The following NCAM1 variants were observed in gnomAD, a reference collection of about 807,000 sequenced individuals.
The protein encoded by NCAM1 is antigen recognized by monoclonal antibody 5.1H11.
In NCAM1, 14 loss-of-function variants were observed where a neutral mutation model predicts 109.8. That is an observed-to-expected ratio of 0.13 (90% confidence interval 0.08 to 0.20). The LOEUF is 0.20. Ranked by LOEUF, NCAM1 falls within the 10% of genes least tolerant of loss-of-function variation. NCAM1 has a pLI of 1.00. For synonymous variants in NCAM1, 418 were observed against 442.9 expected (o/e 0.94, Z 0.70); for missense variants, 774 against 1,109.9 (o/e 0.70, Z 4.30).
chr11:113,226,609 C>T (rs147934156), intron 9 of NCAM1, among the ~76,000 whole-genome samples: 1,922 of 152,324 alleles, frequency 0.013, 17 homozygotes, highest in Non-Finnish European at 0.022. Context: ...CTCTCCACCC[C>T]AATTCAACAA....
chr11:112,964,129 GT>G (rs782504184), intron 1 of NCAM1, among the ~76,000 whole-genome samples: 7 of 123,892 alleles, frequency 5.7e-5, no homozygotes, highest in South Asian at 2.6e-4. Flanking sequence ...TATATCTGAG[GT>G]TTTTTTTTTG....
At chr11:113,044,914 T>C (rs1283021143) in intron 1 of NCAM1, among the ~76,000 whole-genome samples, 1 of 151,850 alleles carries the variant, frequency 6.6e-6, no homozygotes, top group Non-Finnish European at 1.5e-5. Context: ...CCACGACGCC[T>C]GGCTAATTTT....
chr11:113,001,619 G>C (rs1278609702), intron 1 of NCAM1, among the ~76,000 whole-genome samples: 1 of 152,154 alleles, frequency 6.6e-6, no homozygotes, highest in East Asian at 1.9e-4. Flanking sequence ...TGTTGTCCCT[G>C]TTTGTTCTCT....
At chr11:113,142,889 A>G (rs1555100737) in intron 1 of NCAM1, among the ~76,000 whole-genome samples, 1 of 152,210 alleles carries the variant, frequency 6.6e-6, no homozygotes, top group African/African-American at 2.4e-5. Context: ...TCGAAAAAAT[A>G]GTACAGTGGA....
chr11:113,159,517 A>G (rs538141067), intron 1 of NCAM1, among the ~76,000 whole-genome samples: 8 of 152,290 alleles, frequency 5.3e-5, no homozygotes, highest in African/African-American at 1.9e-4. Context: ...CTTACTAGAT[A>G]TTGTGAAGAA....
chr11:113,093,187 C>T (rs1189466314), intron 1 of NCAM1, among the ~76,000 whole-genome samples: 9 of 152,152 alleles, frequency 5.9e-5, no homozygotes, highest in African/African-American at 2.2e-4. Context: ...GGATCATCAT[C>T]TTTGGGGGTT....
At chr11:113,110,834 C>G (rs1221189548) in intron 1 of NCAM1, among the ~76,000 whole-genome samples, 2 of 152,158 alleles carry the variant, frequency 1.3e-5, no homozygotes, top group Non-Finnish European at 2.9e-5. Flanking sequence ...GAGTCCTTTC[C>G]TATTGGGATA....
At chr11:113,177,738 G>A (rs781863091) in intron 1 of NCAM1, among the ~76,000 whole-genome samples, 2 of 152,150 alleles carry the variant, frequency 1.3e-5, no homozygotes, top group Admixed American at 6.5e-5. Context: ...CTGGCAGAGA[G>A]CATCATGTCT....
At position 113,271,778 on chromosome 11, in the gene NCAM1, G is replaced by T; in HGVS notation, c.2358G>T (p.Glu786Asp). 6.4e-7 allele frequency: 1 copy of T among 1,560,008 alleles called. No individual in the cohort carries two copies. Among genetic ancestry groups the T allele is most frequent in the South Asian group, 1.2e-5 (1 of 84,316 alleles). ...KAAFSKDESK[E>D]PIVEVRTEEE... ...TCCACAGGAAAGATGAGTCCAAGGA[G>T]CCCATCGTGGAGGTTCGAACGGAGG... The change falls in exon 19 of 20, where the codon GAG (glutamate) becomes GAT (aspartate). Residue 786 changes from glutamate (E) to aspartate (D), a missense_variant. Physicochemically the swap from Glu to Asp is conservative, Grantham distance 45. Around this residue, in one of 4 missense-constraint regions of NCAM1, gnomAD observed 122 missense variants for 129.7 expected, o/e 0.94. Transcript: ENST00000316851.
At chr11:113,210,549 G>A (rs1436583037) in intron 7 of NCAM1, among the ~76,000 whole-genome samples, 1 of 152,112 alleles carries the variant, frequency 6.6e-6, no homozygotes, top group African/African-American at 2.4e-5. Context: ...TCTCTGAAAA[G>A]CAACTCAGCC....
intron 1 of NCAM1, among the ~76,000 whole-genome samples, chr11:113,029,657 G>A (rs1168826852): frequency 6.6e-6 from 1 of 152,182 alleles, no homozygotes; most frequent in Non-Finnish European, 1.5e-5. Context: ...GTTTAGAGAT[G>A]TGGATGTCAC....
rs563685964 is a variant in NCAM1, at chr11:112,971,540, TA to T, written c.52+9879del. On this transcript the variant is annotated intron_variant, in intron 1 of 19. Transcript: ENST00000316851. ...GAAAAAAACAAAACAAATCAAACTC[TA>T]AATGTTATACCTTTTTTTGAAATGG... 2.8e-3 allele frequency among the ~76,000 whole-genome samples: 423 copies of T among 152,254 alleles called. 1 individual carries two copies. Among genetic ancestry groups the T allele is most frequent in the African/African-American group, 9.8e-3 (406 of 41,558 alleles).
chr11:113,038,471 T>G (rs1447612808), intron 1 of NCAM1, among the ~76,000 whole-genome samples: 1 of 152,228 alleles, frequency 6.6e-6, no homozygotes, highest in Non-Finnish European at 1.5e-5. Context: ...TGCATTGTAT[T>G]TATTTTTATT....
intron 1 of NCAM1, among the ~76,000 whole-genome samples, chr11:113,165,641 A>T (rs2885456): frequency 0.14 from 21,462 of 151,456 alleles, 1,667 homozygotes; most frequent in East Asian, 0.26. Flanking sequence ...CACCCTTACG[A>T]CCCTATTGTC....
At chr11:113,236,125 A>C (rs1314758959) in intron 14 of NCAM1, among the ~76,000 whole-genome samples, 1 of 152,208 alleles carries the variant, frequency 6.6e-6, no homozygotes, top group Non-Finnish European at 1.5e-5. Context: ...AGCCTGTCTC[A>C]TCTTCCTTCT....
At chr11:113,055,983 AT>A (rs1953686701) in intron 1 of NCAM1, among the ~76,000 whole-genome samples, 1 of 19,760 alleles carries the variant, frequency 5.1e-5, no homozygotes, top group African/African-American at 2.3e-4. Context: ...AATGTGATAT[AT>A]ATATATATAT....
chr11:113,023,450 A>G (rs1440114925), intron 1 of NCAM1, among the ~76,000 whole-genome samples: 2 of 152,168 alleles, frequency 1.3e-5, no homozygotes, highest in Non-Finnish European at 2.9e-5. Context: ...TACAGCCAAG[A>G]ATTCACTTGG....
At chr11:113,033,187 A>T (rs144035414) in intron 1 of NCAM1, among the ~76,000 whole-genome samples, 1 of 152,246 alleles carries the variant, frequency 6.6e-6, no homozygotes, top group African/African-American at 2.4e-5. Flanking sequence ...TGAGCTGCGC[A>T]TCTGAAATAG....
intron 1 of NCAM1, among the ~76,000 whole-genome samples, chr11:113,054,125 A>G (rs910036963): frequency 5.3e-5 from 8 of 152,130 alleles, no homozygotes; most frequent in Non-Finnish European, 7.4e-5. Context: ...CCCCAAGTCC[A>G]CCAAATATGC....
Sources: gnomAD v4.1 joint callset for allele counts (sites outside exome capture counted in the v4.1 genomes callset) on GRCh38, gnomAD v4.1.1 for gene constraint, gnomAD v4.1.1 regional missense constraint, MANE v1.5 for transcripts, NCBI Gene and HGNC (gene_info 2026-07-23, HGNC 2026-07-21) for gene names.